The following TDRD3 variants were observed in gnomAD, a reference collection of about 807,000 sequenced individuals.
TDRD3 encodes the protein tudor domain containing 3, also known as tudor domain-containing protein 3.
In TDRD3, 45 loss-of-function variants were observed where a neutral mutation model predicts 86.7. The observed-to-expected ratio is 0.52, with a 90% CI of 0.41 to 0.67. TDRD3 has a LOEUF of 0.67. Ranked by LOEUF, TDRD3 falls within the 30% of genes least tolerant of loss-of-function variation. The pLI, the probability that TDRD3 is intolerant of heterozygous loss-of-function variation, is 0.00. For synonymous variants in TDRD3, 298 were observed against 301.7 expected, an observed-to-expected ratio of 0.99 and a Z score of 0.13; for missense variants, 814 against 889.0, an observed-to-expected ratio of 0.92 and a Z score of 1.07.
intron 12 of TDRD3, among the ~76,000 whole-genome samples, chr13:60,544,001 C>T (rs1957876841): frequency 6.8e-6 from 1 of 146,346 alleles, no homozygotes; most frequent in African/African-American, 2.5e-5. Context: ...TTATAACCTA[C>T]ATGAAGTTTA....
chr13:60,528,967 A>G lies in TDRD3; in HGVS notation c.1742A>G (p.Asn581Ser). Residue 581 changes from asparagine (N) to serine (S), a missense_variant, in exon 11 of 14, where the codon AAT (asparagine) becomes AGT (serine). Coordinates refer to ENST00000377881, the MANE Select transcript of TDRD3 (RefSeq NM_001146070.2). Reference protein sequence around the residue: ...NTDYQNPVRSNSFIGVPNGEV... With the variant: ...NTDYQNPVRSSSFIGVPNGEV... ...GATTATCAGAATCCAGTTCGAAGTA[A>G]TAGTTTCATTGGTGTTCCAAATGGA... The G allele has an allele frequency of 1.2e-6, 2 of 1,614,054 alleles. No individual in the cohort carries two copies. The highest frequency in any genetic ancestry group is 1.7e-6 in the Non-Finnish European group (2 of 1,179,960).
chr13:60,442,634 A>G (rs1337257156), intron 2 of TDRD3, among the ~76,000 whole-genome samples: 1 of 152,132 alleles, frequency 6.6e-6, no homozygotes, highest in Non-Finnish European at 1.5e-5. Context: ...CTTGCTAAAA[A>G]TACATCAAAA....
At chr13:60,551,760 G>T (rs1424065968) in intron 12 of TDRD3, among the ~76,000 whole-genome samples, 1 of 152,152 alleles carries the variant, frequency 6.6e-6, no homozygotes, top group East Asian at 1.9e-4. Flanking sequence ...CTGCATAGCT[G>T]GAGAGGCCTC....
chr13:60,432,310 A>T (rs1954973471), intron 1 of TDRD3, among the ~76,000 whole-genome samples: 1 of 152,086 alleles, frequency 6.6e-6, no homozygotes, highest in South Asian at 2.1e-4. Context: ...TGTATTGAAT[A>T]TATTGATTTT....
upstream of TDRD3, chr13:60,396,585 G>A (rs192538391): frequency 7.7e-3 from 1,184 of 153,736 alleles, 8 homozygotes; most frequent in Non-Finnish European, 0.012. Context: ...TGGTCCCAGG[G>A]GGAGGGCAAC....
At position 60,444,263 on chromosome 13, in the gene TDRD3, C is replaced by T. The variant is rs901864916; in HGVS notation, c.127-420C>T. ...GTTACAGATATCATAGCCTATAGGGCGATATGTTTTTATGTAATGTCAAGG... is the reference window on the plus strand; with the variant it reads ...GTTACAGATATCATAGCCTATAGGGTGATATGTTTTTATGTAATGTCAAGG... On this transcript the variant is annotated intron_variant, in intron 2 of 13. Coordinates refer to ENST00000377881, the MANE Select transcript of TDRD3 (RefSeq NM_001146070.2). Among the ~76,000 whole-genome samples the T allele has an allele frequency of 4.0e-5, 6 of 151,506 alleles. No homozygotes were observed. In the East Asian group the frequency reaches 7.7e-4, roughly 20 times the overall value.
chr13:60,456,733 T>C (rs1594954902), intron 3 of TDRD3, among the ~76,000 whole-genome samples: 1 of 152,276 alleles, frequency 6.6e-6, no homozygotes, highest in Admixed American at 6.5e-5. Context: ...TGTATGTGTG[T>C]CACCTGGGCC....
At chr13:60,542,451 A>G (rs1466777917) in intron 12 of TDRD3, among the ~76,000 whole-genome samples, 1 of 152,196 alleles carries the variant, frequency 6.6e-6, no homozygotes, top group Non-Finnish European at 1.5e-5. Flanking sequence ...GAATACACAC[A>G]CACACCTGTT....
chr13:60,550,294 A>G (rs968882747), intron 12 of TDRD3, among the ~76,000 whole-genome samples: 10 of 152,130 alleles, frequency 6.6e-5, no homozygotes, highest in African/African-American at 2.4e-4. Flanking sequence ...AATAAAGTAT[A>G]CAGAACAGAA....
At chr13:60,490,853 C>T (rs1033478502) in intron 7 of TDRD3, among the ~76,000 whole-genome samples, 1 of 152,150 alleles carries the variant, frequency 6.6e-6, no homozygotes, top group African/African-American at 2.4e-5. Context: ...CGCAGTGGCT[C>T]ACGCCTGTAA....
chr13:60,519,085 G>A (rs757101065), intron 10 of TDRD3, among the ~76,000 whole-genome samples: 88 of 151,956 alleles, frequency 5.8e-4, no homozygotes, highest in Non-Finnish European at 1.0e-3. Context: ...TTTGGTACTT[G>A]GATCTGTAGA....
At chr13:60,543,473 C>T (rs1032342385) in intron 12 of TDRD3, among the ~76,000 whole-genome samples, 9 of 152,078 alleles carry the variant, frequency 5.9e-5, no homozygotes, top group East Asian at 5.8e-4. Context: ...ATGTGTTTCA[C>T]GAAGTTATTT....
At chr13:60,408,337 G>A (rs1351913589) in intron 1 of TDRD3, among the ~76,000 whole-genome samples, 1 of 152,162 alleles carries the variant, frequency 6.6e-6, no homozygotes, top group East Asian at 1.9e-4. Context: ...AGTAGAGTGG[G>A]GCATTGCTGA....
At chr13:60,400,456 C>T (rs1954062999) in intron 1 of TDRD3, among the ~76,000 whole-genome samples, 1 of 152,140 alleles carries the variant, frequency 6.6e-6, no homozygotes, top group African/African-American at 2.4e-5. Context: ...GAAAATGTAT[C>T]TTCTGGCTGG....
At chr13:60,411,194 G>T (rs1954356648) in intron 1 of TDRD3, among the ~76,000 whole-genome samples, 1 of 152,182 alleles carries the variant, frequency 6.6e-6, no homozygotes, top group South Asian at 2.1e-4. Flanking sequence ...ACAATTAAAA[G>T]ACACTCTCAT....
At chr13:60,410,068 C>T (rs1954323813) in intron 1 of TDRD3, among the ~76,000 whole-genome samples, 1 of 152,142 alleles carries the variant, frequency 6.6e-6, no homozygotes. Flanking sequence ...AGGGTTTCTG[C>T]TTTTGCTTCG....
intron 12 of TDRD3, among the ~76,000 whole-genome samples, chr13:60,559,985 C>A (rs534955729): frequency 1.3e-5 from 2 of 152,038 alleles, no homozygotes; most frequent in Non-Finnish European, 2.9e-5. Flanking sequence ...ATACATATAT[C>A]AAAACATTAA....
At chr13:60,460,306 C>A in intron 3 of TDRD3, 74 bp from the exon 4 acceptor site, 1 of 1,309,282 alleles carries the variant, frequency 7.6e-7, no homozygotes, top group Non-Finnish European at 1.0e-6. Context: ...AAGAGAAACA[C>A]TATAAATGAA....
intron 1 of TDRD3, among the ~76,000 whole-genome samples, chr13:60,411,933 A>T (rs943294605): frequency 6.6e-6 from 1 of 152,174 alleles, no homozygotes; most frequent in East Asian, 1.9e-4. Flanking sequence ...GTAGCTGACA[A>T]ATTTGGGTTT....
Sources: allele counts gnomAD v4.1 joint callset (sites outside exome capture counted in the v4.1 genomes callset), GRCh38; gene constraint gnomAD v4.1.1; transcripts MANE v1.5; gene names NCBI Gene and HGNC (gene_info 2026-07-23, HGNC 2026-07-21).